RBFOX1: variants seen among roughly 807,000 people sequenced by gnomAD.
RBFOX1 encodes the protein RNA binding fox-1 homolog 1.
Under a neutral mutation model 57.7 loss-of-function variants are expected in RBFOX1, and 8 were observed. The observed-to-expected ratio is 0.14, with a 90% CI of 0.08 to 0.25. The LOEUF (loss-of-function observed/expected upper bound fraction) is 0.25. RBFOX1 is among the 10% of genes least tolerant of loss of function. RBFOX1 has a pLI of 1.00. For missense variants in RBFOX1, 611 were observed against 548.5 expected (o/e 1.11, Z -1.14); for synonymous variants, 326 against 222.4 (o/e 1.47, Z -4.15).
chr16:6,314,419 A>G (rs968123739), intron 1 of RBFOX1, among the ~76,000 whole-genome samples: 9 of 152,182 alleles, frequency 5.9e-5, no homozygotes, highest in African/African-American at 1.7e-4. Flanking sequence ...ACCTCCCCTA[A>G]AATTCAGGCC....
At chr16:6,070,403 A>C (rs184841003) in intron 1 of RBFOX1, among the ~76,000 whole-genome samples, 41 of 152,312 alleles carry the variant, frequency 2.7e-4, no homozygotes, top group African/African-American at 9.6e-4. Context: ...GCCTTTTGCA[A>C]ACACAGCTGA....
chr16:5,305,069 A>C (rs564980948), intron 1 of RBFOX1, among the ~76,000 whole-genome samples: 17 of 152,236 alleles, frequency 1.1e-4, no homozygotes, highest in African/African-American at 4.1e-4. Flanking sequence ...GTAGTGACTC[A>C]GGTGGGCTTT....
chr16:6,253,770 A>G (rs1255653299), intron 1 of RBFOX1, among the ~76,000 whole-genome samples: 2 of 151,842 alleles, frequency 1.3e-5, no homozygotes, highest in African/African-American at 4.8e-5. Context: ...GGAATTCAAA[A>G]TTGTGCTGTC....
intron 3 of RBFOX1, among the ~76,000 whole-genome samples, chr16:6,867,506 G>A (rs2060146704): frequency 6.6e-6 from 1 of 152,056 alleles, no homozygotes; most frequent in African/African-American, 2.4e-5. Flanking sequence ...ATCACTTGAG[G>A]TCAGGAGTTC....
chr16:7,381,979 C>G (rs1475006743), intron 4 of RBFOX1, among the ~76,000 whole-genome samples: 1 of 152,152 alleles, frequency 6.6e-6, no homozygotes, highest in African/African-American at 2.4e-5. Context: ...ATGTTTCTCC[C>G]TTTGAGAATC....
chr16:5,568,375 A>T (rs879562796), intron 2 of RBFOX1, among the ~76,000 whole-genome samples: 1 of 152,070 alleles, frequency 6.6e-6, no homozygotes, highest in Non-Finnish European at 1.5e-5. Flanking sequence ...CTTGCTTAAT[A>T]CCTGATGGGA....
chr16:7,021,487 ATAT>A (rs2039051376), intron 3 of RBFOX1, among the ~76,000 whole-genome samples: 1 of 145,564 alleles, frequency 6.9e-6, no homozygotes, highest in Non-Finnish European at 1.5e-5. Context: ...TATATATTTT[ATAT>A]TAATATTTTA....
intron 3 of RBFOX1, among the ~76,000 whole-genome samples, chr16:5,750,507 G>T (rs1344651117): frequency 6.6e-6 from 1 of 152,194 alleles, no homozygotes; most frequent in Admixed American, 6.5e-5. Context: ...AGCTGTGGTG[G>T]GCTCCACACA....
At chr16:7,090,942 G>C (rs76094746) in intron 4 of RBFOX1, among the ~76,000 whole-genome samples, 2 of 152,236 alleles carry the variant, frequency 1.3e-5, no homozygotes, top group South Asian at 4.2e-4. Flanking sequence ...ATTCCGCCAG[G>C]ATTAGAGGTT....
At chr16:5,424,306 C>T (rs1056868411) in intron 1 of RBFOX1, among the ~76,000 whole-genome samples, 8 of 152,190 alleles carry the variant, frequency 5.3e-5, no homozygotes, top group African/African-American at 1.9e-4. Context: ...ATGCAGGTTT[C>T]ACTGATTCAG....
intron 1 of RBFOX1, among the ~76,000 whole-genome samples, chr16:6,272,139 A>T (rs925187411): frequency 6.6e-6 from 1 of 152,222 alleles, no homozygotes; most frequent in South Asian, 2.1e-4. Context: ...CACTGGTTCA[A>T]TATTTACAAT....
At chr16:7,010,659 G>A (rs2093611911) in intron 3 of RBFOX1, among the ~76,000 whole-genome samples, 1 of 152,060 alleles carries the variant, frequency 6.6e-6, no homozygotes, top group African/African-American at 2.4e-5. Context: ...CGCCTCCTGG[G>A]TTCAAGAGAT....
intron 3 of RBFOX1, among the ~76,000 whole-genome samples, chr16:7,050,515 CT>C (rs2049682366): frequency 6.6e-6 from 1 of 152,120 alleles, no homozygotes; most frequent in African/African-American, 2.4e-5. Context: ...ATCCACCCGC[CT>C]TGGCCTCCCA....
chr16:6,922,370 C>G lies in RBFOX1; in HGVS notation c.-15-129687C>G, dbSNP rs1044159495. ...CATGCTGCAGCCCCTTGCAAGCCCA[C>G]TAAAGAACATCTGCCACCCGGCACA... On this transcript the variant is annotated intron_variant, in intron 3 of 15. Coordinates refer to ENST00000550418, the MANE Select transcript of RBFOX1 (RefSeq NM_018723.4). Among the ~76,000 whole-genome samples the G allele has an allele frequency of 2.0e-5, 3 of 152,186 alleles. 1 individual carries two copies. The highest frequency in any genetic ancestry group is 4.1e-4 in the South Asian group (2 of 4,826).
intron 3 of RBFOX1, among the ~76,000 whole-genome samples, chr16:5,623,625 C>T (rs141423796): frequency 2.0e-5 from 3 of 151,308 alleles, no homozygotes; most frequent in South Asian, 2.1e-4. Flanking sequence ...CTTTTGTTCC[C>T]GCTACACTGG....
intron 3 of RBFOX1, among the ~76,000 whole-genome samples, chr16:6,811,481 A>G (rs1435921531): frequency 1.3e-5 from 2 of 152,192 alleles, no homozygotes; most frequent in Non-Finnish European, 1.5e-5. Context: ...TGTTTGATTT[A>G]GGAGTCAGGG....
chr16:7,534,584 T>G (rs1041281779), intron 5 of RBFOX1, among the ~76,000 whole-genome samples: 1 of 152,122 alleles, frequency 6.6e-6, no homozygotes, highest in Admixed American at 6.5e-5. Context: ...AAGTCAGTTT[T>G]GGGTAAAGTC....
At chr16:6,004,634 C>A (rs1246831088) in intron 4 of RBFOX1, among the ~76,000 whole-genome samples, 1 of 152,184 alleles carries the variant, frequency 6.6e-6, no homozygotes, top group Non-Finnish European at 1.5e-5. Context: ...GGAAGCCTTT[C>A]ATTTTATTTC....
At chr16:7,659,475 G>A (rs1020268574) in intron 12 of RBFOX1, among the ~76,000 whole-genome samples, 25 of 152,228 alleles carry the variant, frequency 1.6e-4, no homozygotes, top group Middle Eastern at 3.4e-3. Flanking sequence ...CCCATTCTCA[G>A]AATACTTTAG....
Sources: allele counts gnomAD v4.1 joint callset (sites outside exome capture counted in the v4.1 genomes callset), GRCh38; gene constraint gnomAD v4.1.1; transcripts MANE v1.5; gene names NCBI Gene and HGNC (gene_info 2026-07-23, HGNC 2026-07-21).